The following RPTOR variants were observed in gnomAD, a reference collection of about 807,000 sequenced individuals.
The protein encoded by RPTOR is regulatory-associated protein of mTOR.
Under a neutral mutation model 169.9 loss-of-function variants are expected in RPTOR, and 21 were observed. The ratio of observed to expected loss-of-function variants is 0.12; its 90% CI spans 0.09 to 0.18. RPTOR has a LOEUF of 0.18. Among genes scored for constraint, RPTOR ranks in the 10% least tolerant of loss-of-function variants. RPTOR has a pLI of 1.00. For synonymous variants in RPTOR, 732 were observed against 753.2 expected (o/e 0.97, Z 0.46); for missense variants, 1,133 against 1,855.9 (o/e 0.61, Z 7.16).
chr17:80,738,499 C>T (rs925495972), intron 5 of RPTOR, among the ~76,000 whole-genome samples: 3 of 144,462 alleles, frequency 2.1e-5, no homozygotes, highest in African/African-American at 8.1e-5. Flanking sequence ...GAACCCTTAC[C>T]GCTGATGACC....
intron 9 of RPTOR, among the ~76,000 whole-genome samples, chr17:80,832,682 G>A (rs1476355001): frequency 6.6e-6 from 1 of 152,188 alleles, no homozygotes; most frequent in Non-Finnish European, 1.5e-5. Flanking sequence ...TCCTCACCAT[G>A]GGAGCATCAC....
At chr17:80,933,143 C>T (rs535737623) in intron 24 of RPTOR, among the ~76,000 whole-genome samples, 90 of 152,232 alleles carry the variant, frequency 5.9e-4, no homozygotes, top group African/African-American at 1.9e-3. Context: ...GGAAGTTAGG[C>T]GAGCAAAAGA....
In RPTOR at chr17:80,957,479, T is replaced by A; in HGVS notation, c.3371-145T>A. 1 of 717,266 alleles carries A rather than the reference T, an allele frequency of 1.4e-6. No homozygotes were observed. Among genetic ancestry groups the A allele is most frequent in the African/African-American group, 1.7e-5 (1 of 57,412 alleles). The allele number at this position is 717,266 out of a possible 1,614,324, so 44.4% of individuals were successfully genotyped here. A position where few individuals can be genotyped will look rare whatever the true frequency, so the allele number is the denominator to read the frequency against. On this transcript the variant is annotated intron_variant, in intron 28 of 33. Transcript: ENST00000306801. The surrounding 1 kb of genome is among the most constrained non-coding windows in gnomAD (Gnocchi z 4.6). ...CCAGGGTCCCTAGCGGGAGCTCATA[T>A]GAGGCATATGGACCCACCAGATGGG...
intron 7 of RPTOR, among the ~76,000 whole-genome samples, chr17:80,800,909 T>C (rs2067150376): frequency 6.6e-6 from 1 of 152,330 alleles, no homozygotes; most frequent in Non-Finnish European, 1.5e-5. Flanking sequence ...TTTAAACCGC[T>C]AACAATCCAT....
chr17:80,867,688 A>T (rs959565487), intron 13 of RPTOR, among the ~76,000 whole-genome samples: 1 of 152,242 alleles, frequency 6.6e-6, no homozygotes, highest in African/African-American at 2.4e-5. Context: ...TATAAGATCA[A>T]TATACAAAAA....
At chr17:80,715,678 A>G (rs940602970) in intron 4 of RPTOR, among the ~76,000 whole-genome samples, 2 of 149,194 alleles carry the variant, frequency 1.3e-5, no homozygotes, top group Admixed American at 6.7e-5. Flanking sequence ...GTAATTTGTG[A>G]GATTTTGCTG....
Position 80,730,241 on chromosome 17 carries a change from G to C in RPTOR, c.508-319G>C, listed in dbSNP as rs2066378558. Among the ~76,000 whole-genome samples, 1 of 152,032 alleles carries C rather than the reference G, an allele frequency of 6.6e-6. No individual in the cohort carries two copies. The highest frequency in any genetic ancestry group is 1.5e-5 in the Non-Finnish European group (1 of 67,998). On this transcript the variant is annotated intron_variant, in intron 4 of 33. Transcript: ENST00000306801. This position sits in a 1 kb window ranked among gnomAD's most constrained non-coding sequence, Gnocchi z 4.2. ...CCTGCCTCAGCCTCCCAAGTAGCTG[G>C]GTTTACAGGTGCCCTTCACCATGTC...
chr17:80,730,653 T>G lies in RPTOR; in HGVS notation c.601T>G (p.Leu201Val). 6.2e-7 allele frequency: 1 copy of G among 1,613,970 alleles called. No homozygotes were observed. ...CGTCTACGACTGCTCCAATGCTGGCTTGATCGTCAAGTCCTTCAAGCAGTT... is the reference window on the plus strand; with the variant it reads ...CGTCTACGACTGCTCCAATGCTGGCGTGATCGTCAAGTCCTTCAAGCAGTT... ...IFVYDCSNAG[L>V]IVKSFKQFAL... is the part of the protein sequence containing the mutation. Residue 201 changes from leucine (L) to valine (V), a missense_variant, in exon 5 of 34, where the codon TTG (leucine) becomes GTG (valine). Coordinates refer to ENST00000306801, the MANE Select transcript of RPTOR (RefSeq NM_020761.3). This position sits in a 1 kb window ranked among gnomAD's most constrained non-coding sequence, Gnocchi z 4.2.
intron 4 of RPTOR, among the ~76,000 whole-genome samples, chr17:80,713,376 T>C (rs913585319): frequency 3.3e-5 from 5 of 152,254 alleles, no homozygotes; most frequent in African/African-American, 1.2e-4. Flanking sequence ...GATATGTGTT[T>C]CGCAAATATG....
At chr17:80,733,557 G>T (rs1426798267) in intron 5 of RPTOR, among the ~76,000 whole-genome samples, 1 of 152,182 alleles carries the variant, frequency 6.6e-6, no homozygotes, top group Non-Finnish European at 1.5e-5. Flanking sequence ...TGAGACCACT[G>T]CTTCTTGATT....
intron 13 of RPTOR, among the ~76,000 whole-genome samples, chr17:80,858,907 C>T (rs1273354118): frequency 6.6e-6 from 1 of 152,206 alleles, no homozygotes; most frequent in African/African-American, 2.4e-5. Flanking sequence ...GATTTTGGAA[C>T]AAAGACATCA....
chr17:80,716,073 G>T (rs1424538447), intron 4 of RPTOR, among the ~76,000 whole-genome samples: 1 of 152,154 alleles, frequency 6.6e-6, no homozygotes, highest in Non-Finnish European at 1.5e-5. Flanking sequence ...TTTCCTCTGG[G>T]TAAATACCCA....
At chr17:80,573,784 T>C (rs952519211) in intron 1 of RPTOR, among the ~76,000 whole-genome samples, 5 of 152,134 alleles carry the variant, frequency 3.3e-5, no homozygotes, top group Non-Finnish European at 7.4e-5. Context: ...TTGAGTGTCA[T>C]TCTAATCATG....
chr17:80,942,990 C>T (rs2069052541), intron 25 of RPTOR, among the ~76,000 whole-genome samples: 1 of 152,262 alleles, frequency 6.6e-6, no homozygotes, highest in African/African-American at 2.4e-5. Context: ...AGCCTTCGGG[C>T]CTGCCTGCCT....
chr17:80,766,836 A>G (rs1598290941), intron 6 of RPTOR, among the ~76,000 whole-genome samples: 1 of 80,818 alleles, frequency 1.2e-5, no homozygotes. Context: ...TTAAGTCCAG[A>G]AAAAAAAGAA....
At chr17:80,894,704 T>C (rs1484563344) in intron 20 of RPTOR, among the ~76,000 whole-genome samples, 1 of 152,234 alleles carries the variant, frequency 6.6e-6, no homozygotes, top group Non-Finnish European at 1.5e-5. Flanking sequence ...TTGAATTTTT[T>C]TCATGTTAAG....
chr17:80,953,153 CTG>C (rs2069204397), intron 28 of RPTOR, among the ~76,000 whole-genome samples: 1 of 152,222 alleles, frequency 6.6e-6, no homozygotes, highest in Non-Finnish European at 1.5e-5. Context: ...GTGTGAGCCA[CTG>C]CACCCAGCCT....
At chr17:80,658,501 CT>C (rs777943124) in intron 3 of RPTOR, among the ~76,000 whole-genome samples, 9 of 152,208 alleles carry the variant, frequency 5.9e-5, no homozygotes, top group Non-Finnish European at 2.9e-5. Flanking sequence ...CCGCACCCCC[CT>C]GTCCAGCTGA....
chr17:80,734,573 G>A, intron 5 of RPTOR, among the ~76,000 whole-genome samples: 1 of 152,240 alleles, frequency 6.6e-6, no homozygotes, highest in East Asian at 1.9e-4. Flanking sequence ...TGAGGCAAAT[G>A]ATGACTTTTC....
Sources: allele counts gnomAD v4.1 joint callset (sites outside exome capture counted in the v4.1 genomes callset), GRCh38; gene constraint gnomAD v4.1.1; non-coding constraint Gnocchi (gnomAD v3.1); transcripts MANE v1.5; gene names NCBI Gene and HGNC (gene_info 2026-07-23, HGNC 2026-07-21).